ZBTB7C: variants seen among roughly 807,000 people sequenced by gnomAD.
The protein encoded by ZBTB7C is zinc finger and BTB domain containing 7C, also known as zinc finger and BTB domain-containing protein 7C.
In ZBTB7C, 8 loss-of-function variants were observed where a neutral mutation model predicts 25.7. That is an observed-to-expected ratio of 0.31 (90% CI 0.18 to 0.56). ZBTB7C has a LOEUF of 0.56. Among genes scored for constraint, ZBTB7C ranks in the 20% least tolerant of loss-of-function variants. The pLI is 0.91. For missense variants in ZBTB7C, 824 were observed against 855.2 expected, an observed-to-expected ratio of 0.96 and a Z score of 0.46; for synonymous variants, 394 against 369.0, an observed-to-expected ratio of 1.07 and a Z score of -0.78.
At chr18:48,330,893 C>A (rs956922283) in intron 2 of ZBTB7C, among the ~76,000 whole-genome samples, 1 of 152,138 alleles carries the variant, frequency 6.6e-6, no homozygotes, top group Admixed American at 6.5e-5. Context: ...ATGTGCTCAG[C>A]TGCAGAATGT....
intron 3 of ZBTB7C, among the ~76,000 whole-genome samples, chr18:48,155,145 A>T (rs1348853071): frequency 1.3e-5 from 2 of 152,148 alleles, no homozygotes; most frequent in African/African-American, 4.8e-5. Context: ...GCCCCATGTG[A>T]CATGGGCCCC....
chr18:48,385,387 G>A (rs1877440461), intron 1 of ZBTB7C, among the ~76,000 whole-genome samples: 1 of 152,204 alleles, frequency 6.6e-6, no homozygotes, highest in Non-Finnish European at 1.5e-5. Context: ...TGCTGAGGCT[G>A]ATGGGGGTCG....
intron 3 of ZBTB7C, among the ~76,000 whole-genome samples, chr18:48,167,150 A>G (rs2041277421): frequency 6.6e-6 from 1 of 152,008 alleles, no homozygotes; most frequent in Non-Finnish European, 1.5e-5. Flanking sequence ...CCCTTCCTCC[A>G]CCCTTCCAGG....
chr18:48,052,809 G>A (rs1263695963), intron 3 of ZBTB7C, among the ~76,000 whole-genome samples: 6 of 152,202 alleles, frequency 3.9e-5, no homozygotes. Flanking sequence ...CTAGCTGGTT[G>A]TGAATGTCCC....
intron 2 of ZBTB7C, among the ~76,000 whole-genome samples, chr18:48,278,953 T>G (rs1427900562): frequency 6.6e-6 from 1 of 151,986 alleles, no homozygotes; most frequent in Non-Finnish European, 1.5e-5. Context: ...GTTTTTTTTT[T>G]TTTTAATTCA....
intron 3 of ZBTB7C, chr18:48,180,463 T>TCACC: frequency 4.9e-6 from 2 of 412,060 alleles, no homozygotes; most frequent in East Asian, 1.6e-4. Context: ...AGCTTTCATG[T>TCACC]CACCTATGCC....
intron 2 of ZBTB7C, among the ~76,000 whole-genome samples, chr18:48,318,797 GCC>G (rs940117874): frequency 6.6e-6 from 1 of 152,132 alleles, no homozygotes; most frequent in East Asian, 1.9e-4. Context: ...CCTGAGTGAG[GCC>G]CCCGCCGTCT....
chr18:48,130,076 TA>T (rs1480655459), intron 3 of ZBTB7C, among the ~76,000 whole-genome samples: 3 of 152,096 alleles, frequency 2.0e-5, no homozygotes, highest in East Asian at 1.9e-4. Context: ...CAGACAGGGT[TA>T]GGGGTGGAGT....
chr18:48,318,558 C>G (rs910971348), intron 2 of ZBTB7C, among the ~76,000 whole-genome samples: 1 of 152,242 alleles, frequency 6.6e-6, no homozygotes, highest in Non-Finnish European at 1.5e-5. Context: ...CCACGTCCTC[C>G]CTCTGGTCCA....
chr18:48,033,760 G>A (rs1176427807), intron 4 of ZBTB7C, among the ~76,000 whole-genome samples: 1 of 152,214 alleles, frequency 6.6e-6, no homozygotes, highest in Non-Finnish European at 1.5e-5. Context: ...GGACCAAAGA[G>A]GGAATGGTGT....
At chr18:48,167,269 C>CCTCCCA (rs1434803339) in intron 3 of ZBTB7C, among the ~76,000 whole-genome samples, 1 of 152,228 alleles carries the variant, frequency 6.6e-6, no homozygotes, top group Non-Finnish European at 1.5e-5. Context: ...CCCACAGGCC[C>CCTCCCA]CAGCCTACCC....
intron 1 of ZBTB7C, among the ~76,000 whole-genome samples, chr18:48,365,053 C>T (rs1475162331): frequency 6.6e-6 from 1 of 152,114 alleles, no homozygotes; most frequent in East Asian, 1.9e-4. Context: ...CTTTGAGAAC[C>T]CTGATATAGA....
intron 2 of ZBTB7C, among the ~76,000 whole-genome samples, chr18:48,306,393 T>C (rs1807792401): frequency 6.6e-6 from 1 of 152,176 alleles, no homozygotes; most frequent in Non-Finnish European, 1.5e-5. Flanking sequence ...CAACATCAAA[T>C]TTACCACTTT....
intron 2 of ZBTB7C, among the ~76,000 whole-genome samples, chr18:48,333,228 C>T (rs945392586): frequency 2.0e-5 from 3 of 152,164 alleles, no homozygotes; most frequent in African/African-American, 7.2e-5. Flanking sequence ...TAGCTTTCTT[C>T]CTCTCCCTGC....
chr18:48,095,078 T>A (rs1288836343), intron 3 of ZBTB7C, among the ~76,000 whole-genome samples: 1 of 152,124 alleles, frequency 6.6e-6, no homozygotes, highest in African/African-American at 2.4e-5. Context: ...CCCAATTCCC[T>A]CCTGGTAGTA....
intron 2 of ZBTB7C, among the ~76,000 whole-genome samples, chr18:48,254,626 C>A (rs2043971186): frequency 6.6e-6 from 1 of 152,200 alleles, no homozygotes; most frequent in African/African-American, 2.4e-5. Flanking sequence ...CTTCTTGACA[C>A]AAGACGACGA....
intron 2 of ZBTB7C, among the ~76,000 whole-genome samples, chr18:48,218,415 G>T (rs1390287951): frequency 3.3e-5 from 5 of 152,234 alleles, no homozygotes; most frequent in African/African-American, 1.2e-4. Context: ...CAGGGCAGAA[G>T]ACCTGGTACA....
intron 4 of ZBTB7C, among the ~76,000 whole-genome samples, chr18:48,031,765 C>T (rs2035760111): frequency 6.6e-6 from 1 of 152,230 alleles, no homozygotes; most frequent in African/African-American, 2.4e-5. Flanking sequence ...GCAAAGCCTC[C>T]ACTATGTAGG....
intron 2 of ZBTB7C, among the ~76,000 whole-genome samples, chr18:48,188,191 G>T (rs1458044164): frequency 6.6e-6 from 1 of 152,184 alleles, no homozygotes; most frequent in East Asian, 1.9e-4. Flanking sequence ...CTGGGCCAGG[G>T]AGCCTGTATT....
Sources: allele counts gnomAD v4.1 joint callset (sites outside exome capture counted in the v4.1 genomes callset), GRCh38; gene constraint gnomAD v4.1.1; transcripts MANE v1.5; gene names NCBI Gene and HGNC (gene_info 2026-07-23, HGNC 2026-07-21).